Variants in MCHR2 observed in about 807,000 individuals in gnomAD.
The protein encoded by MCHR2 is melanin concentrating hormone receptor 2.
Under a neutral mutation model 24.8 loss-of-function variants are expected in MCHR2, and 15 were observed. The observed-to-expected ratio is 0.60, with a 90% CI of 0.40 to 0.93. The LOEUF is 0.93. Ranked by LOEUF, MCHR2 falls within the 40% of genes least tolerant of loss-of-function variation. MCHR2 has a pLI of 0.00. For missense variants in MCHR2, 386 were observed against 408.7 expected, an observed-to-expected ratio of 0.94 and a Z score of 0.48; for synonymous variants, 151 against 147.6, an observed-to-expected ratio of 1.02 and a Z score of -0.17.
At chr6:99,987,090 GTATTTATT>G (rs71024682) in intron 1 of MCHR2, among the ~76,000 whole-genome samples, 1 of 149,460 alleles carries the variant, frequency 6.7e-6, no homozygotes, top group Non-Finnish European at 1.5e-5. Flanking sequence ...GTGTTGTGTT[GTATTTATT>G]TATTTATTTA....
intron 1 of MCHR2, among the ~76,000 whole-genome samples, chr6:99,978,712 C>G (rs1000928824): frequency 1.3e-5 from 2 of 152,128 alleles, no homozygotes; most frequent in African/African-American, 4.8e-5. Flanking sequence ...GCCACCATGC[C>G]TGGCCCAAGA....
intron 1 of MCHR2, among the ~76,000 whole-genome samples, chr6:99,983,773 G>A (rs190562413): frequency 2.6e-4 from 39 of 152,138 alleles, no homozygotes; most frequent in South Asian, 1.0e-3. Context: ...ATACACCTTC[G>A]CCTATATTTT....
intron 5 of MCHR2, among the ~76,000 whole-genome samples, chr6:99,923,012 C>G (rs1177896019): frequency 6.6e-6 from 1 of 152,010 alleles, no homozygotes; most frequent in Non-Finnish European, 1.5e-5. Context: ...ACTGATTTTT[C>G]CAAACAATGA....
At chr6:99,977,250 C>T (rs562435906) in intron 1 of MCHR2, among the ~76,000 whole-genome samples, 9 of 152,218 alleles carry the variant, frequency 5.9e-5, no homozygotes, top group Admixed American at 1.3e-4. Context: ...TAGCTGGAAG[C>T]GAATGTTCTT....
intron 3 of MCHR2, among the ~76,000 whole-genome samples, chr6:99,945,374 T>C (rs902337867): frequency 1.3e-5 from 2 of 152,212 alleles, no homozygotes; most frequent in Non-Finnish European, 2.9e-5. Flanking sequence ...CTAATGAAAG[T>C]CTAGGTAGCT....
rs774746204 is a variant in MCHR2, at chr6:99,947,957, G to GT, written c.196dup (p.Thr66AsnfsTer4). ...GTTGCAGATATAGATGTCAGGGACTGTTTTTTTCCTGGATCTGAAAGAGAT... is the reference window on the plus strand; with the variant it reads ...GTTGCAGATATAGATGTCAGGGACTGTTTTTTTTCCTGGATCTGAAAGAGAT... On this transcript the variant is annotated frameshift_variant, in exon 3 of 6. Coordinates refer to ENST00000281806, the MANE Select transcript of MCHR2 (RefSeq NM_001040179.2). LOFTEE classifies it high-confidence loss of function. The GT allele has an allele frequency of 1.9e-6, 3 of 1,613,112 alleles. No individual in the cohort carries two copies. Among genetic ancestry groups the GT allele is most frequent in the East Asian group, 2.2e-5 (1 of 44,842 alleles).
chr6:99,981,399 G>T (rs957379454), intron 1 of MCHR2, among the ~76,000 whole-genome samples: 4 of 152,164 alleles, frequency 2.6e-5, no homozygotes, highest in Non-Finnish European at 5.9e-5. Context: ...CTGGACAGTG[G>T]CTTGTGACTG....
intron 1 of MCHR2, among the ~76,000 whole-genome samples, chr6:99,980,579 G>A (rs1445283770): frequency 6.6e-6 from 1 of 151,786 alleles, no homozygotes; most frequent in Non-Finnish European, 1.5e-5. Flanking sequence ...TCACGCACAT[G>A]AGTGCAAGTG....
intron 3 of MCHR2, 58 bp from the exon 4 acceptor site, chr6:99,943,201 G>T (rs1253618367): frequency 7.0e-7 from 1 of 1,421,402 alleles, no homozygotes; most frequent in Non-Finnish European, 9.6e-7. Flanking sequence ...GAGCTCCAAG[G>T]ATGAAAGGTT....
At chr6:99,974,658 T>C (rs564306988) in intron 1 of MCHR2, among the ~76,000 whole-genome samples, 118 of 152,326 alleles carry the variant, frequency 7.7e-4, no homozygotes, top group African/African-American at 2.7e-3. Context: ...GTTTCCAGTT[T>C]TTCTGCTCTG....
chr6:99,950,627 A>G (rs1320827217), intron 2 of MCHR2, among the ~76,000 whole-genome samples: 2 of 152,136 alleles, frequency 1.3e-5, no homozygotes, highest in Non-Finnish European at 2.9e-5. Flanking sequence ...AGTAAAAAGA[A>G]AAAAGAAAGA....
intron 5 of MCHR2, among the ~76,000 whole-genome samples, chr6:99,925,466 T>C (rs1774331151): frequency 6.6e-6 from 1 of 152,254 alleles, no homozygotes; most frequent in Admixed American, 6.5e-5. Context: ...TTTTGCGTTC[T>C]CTTCCTTCTT....
intron 1 of MCHR2, among the ~76,000 whole-genome samples, chr6:99,968,521 A>G (rs1460364192): frequency 6.6e-6 from 1 of 152,236 alleles, no homozygotes; most frequent in Non-Finnish European, 1.5e-5. Flanking sequence ...GAAGCTAGAC[A>G]GAAAAGACTA....
At chr6:99,943,487 C>G (rs975082872) in intron 3 of MCHR2, among the ~76,000 whole-genome samples, 3 of 151,530 alleles carry the variant, frequency 2.0e-5, no homozygotes, top group African/African-American at 7.3e-5. Context: ...CCTCTCCCCT[C>G]CCCCAACCCC....
At chr6:99,934,080 ACT>A (rs1412830444) in intron 5 of MCHR2, among the ~76,000 whole-genome samples, 1 of 152,086 alleles carries the variant, frequency 6.6e-6, no homozygotes, top group East Asian at 1.9e-4. Context: ...TATGCATGCA[ACT>A]CTGCAAAATG....
intron 1 of MCHR2, among the ~76,000 whole-genome samples, chr6:99,961,657 G>A (rs901770665): frequency 1.3e-5 from 2 of 152,110 alleles, no homozygotes; most frequent in Non-Finnish European, 2.9e-5. Flanking sequence ...GTTGAACAAC[G>A]AGAACACATA....
chr6:99,939,979 C>T (rs533392357), intron 4 of MCHR2, among the ~76,000 whole-genome samples: 12 of 147,284 alleles, frequency 8.1e-5, no homozygotes, highest in Middle Eastern at 3.5e-3. Flanking sequence ...CTCCTTTATA[C>T]GTTATTTGCT....
intron 2 of MCHR2, among the ~76,000 whole-genome samples, chr6:99,952,260 G>T (rs549451899): frequency 1.1e-4 from 17 of 152,050 alleles, no homozygotes; most frequent in Middle Eastern, 6.8e-3. Context: ...TGATGATCAG[G>T]CCTCATTATT....
intron 5 of MCHR2, among the ~76,000 whole-genome samples, chr6:99,929,361 G>A (rs1445101582): frequency 6.6e-6 from 1 of 152,006 alleles, no homozygotes; most frequent in Non-Finnish European, 1.5e-5. Flanking sequence ...GGTCTGCTTG[G>A]TGCAGAGCTG....
Sources: allele counts gnomAD v4.1 joint callset (sites outside exome capture counted in the v4.1 genomes callset), GRCh38; gene constraint gnomAD v4.1.1; transcripts MANE v1.5; gene names NCBI Gene and HGNC (gene_info 2026-07-23, HGNC 2026-07-21).